Variants in PRDM10 observed in about 807,000 individuals in gnomAD.
PRDM10 encodes the protein PR/SET domain 10, also known as PR domain zinc finger protein 10.
In PRDM10, 65 loss-of-function variants were observed where a neutral mutation model predicts 133.1. The observed-to-expected ratio is 0.49, with a 90% CI of 0.40 to 0.60. The LOEUF (loss-of-function observed/expected upper bound fraction) is 0.60. PRDM10 is among the 20% of genes least tolerant of loss of function. PRDM10 has a pLI of 0.00. For synonymous variants in PRDM10, 582 were observed against 580.4 expected (o/e 1.00, Z -0.04); for missense variants, 1,137 against 1,507.1 (o/e 0.75, Z 4.07).
chr11:129,963,430 A>G (rs1951841541), intron 1 of PRDM10, among the ~76,000 whole-genome samples: 1 of 151,668 alleles, frequency 6.6e-6, no homozygotes, highest in African/African-American at 2.4e-5. Flanking sequence ...AGAAGAGAAG[A>G]GAAGAGAAGA....
Position 129,923,643 on chromosome 11 carries a change from T to TGGGA in PRDM10, c.1879-241_1879-240insTCCC, listed in dbSNP as rs1950581310. Among the ~76,000 whole-genome samples, 1 of 65,866 alleles carries TGGGA rather than the reference T, an allele frequency of 1.5e-5. No individual in the cohort carries two copies. The highest frequency in any genetic ancestry group is 2.1e-4 in the Admixed American group (1 of 4,772). 43.2% of individuals were successfully genotyped at this position (65,866 alleles called of 152,430 possible). ...CGAACCTCCCCGATGACTTGAAACG[T>TGGGA]GAGAGAGAGAGAGAGAGAGAGAGAG... On this transcript the variant is annotated intron_variant, in intron 12 of 20. Transcript: ENST00000360871. The surrounding 1 kb of genome is among the most constrained non-coding windows in gnomAD (Gnocchi z 4.4).
At chr11:129,916,335 C>T (rs1326566931) in intron 15 of PRDM10, among the ~76,000 whole-genome samples, 1 of 152,200 alleles carries the variant, frequency 6.6e-6, no homozygotes, top group Non-Finnish European at 1.5e-5. Context: ...CACTTTTAAG[C>T]TGATATAGCT....
Position 129,902,416 on chromosome 11 carries a change from G to A in PRDM10, c.3368C>T (p.Ser1123Phe), listed in dbSNP as rs755057726. Residue 1123 changes from serine to phenylalanine, a missense_variant, in exon 21 of 21, where the codon TCC (serine) becomes TTC (phenylalanine). Physicochemically the swap from Ser to Phe is radical, Grantham distance 155. Coordinates refer to ENST00000360871, the MANE Select transcript of PRDM10 (RefSeq NM_199437.2). ...TTGGCTGTTGGTCTGGGGGTCCAGG[G>A]AGTCACTGTGTGCAGGTGGCTCGAC... The part of the protein sequence containing the change: ...VQVEPPAHSD[S>F]LDPQTNSQQQ... 6.2e-7 allele frequency: 1 copy of A among 1,614,196 alleles called. No homozygotes were observed. Among genetic ancestry groups the A allele is most frequent in the South Asian group, 1.1e-5 (1 of 91,082 alleles).
chr11:129,950,675 G>A lies in PRDM10; in HGVS notation c.295-3305C>T, dbSNP rs562519367. The stretch of plus-strand genomic sequence containing the variant: ...TACAATACTGCCCCTTGTCCTAAGC[G>A]CTTAAGCATTATGCCAGGGTTAGTG... On this transcript the variant is annotated intron_variant, in intron 4 of 20. Coordinates refer to ENST00000360871, the MANE Select transcript of PRDM10 (RefSeq NM_199437.2). Among the ~76,000 whole-genome samples the A allele has an allele frequency of 1.8e-4, 27 of 152,244 alleles. 1 individual carries two copies. The highest frequency in any genetic ancestry group is 6.2e-4 in the South Asian group (3 of 4,826).
chr11:129,902,196 G>C lies in PRDM10; in HGVS notation c.*117C>G. Reference sequence around the variant, plus strand: ...GTGTATGGATGAGAGACAAAACTGTGGTTTCCGAACTCTTGAGTGAATAAT... The same window carrying C: ...GTGTATGGATGAGAGACAAAACTGTCGTTTCCGAACTCTTGAGTGAATAAT... On this transcript the variant is annotated 3_prime_UTR_variant, in exon 21 of 21. Coordinates refer to ENST00000360871, the MANE Select transcript of PRDM10 (RefSeq NM_199437.2). 2.2e-6 allele frequency: 3 copies of C among 1,377,134 alleles called. No homozygotes were observed. The highest frequency in any genetic ancestry group is 2.9e-6 in the Non-Finnish European group (3 of 1,018,816). 85.3% of individuals were successfully genotyped at this position (1,377,134 alleles called of 1,614,324 possible).
At chr11:129,904,506 T>C (rs1309105476) in intron 20 of PRDM10, among the ~76,000 whole-genome samples, 1 of 152,188 alleles carries the variant, frequency 6.6e-6, no homozygotes, top group Non-Finnish European at 1.5e-5. Flanking sequence ...TTTTTCTTTT[T>C]TTTTCTTTTC....
At chr11:129,921,785 C>T (rs565699442) in intron 13 of PRDM10, among the ~76,000 whole-genome samples, 9 of 152,294 alleles carry the variant, frequency 5.9e-5, no homozygotes, top group East Asian at 5.8e-4. Context: ...CTGCTCTAGA[C>T]GGTGTCATGT....
intron 1 of PRDM10, among the ~76,000 whole-genome samples, chr11:129,974,015 G>A (rs575418876): frequency 6.6e-6 from 1 of 152,338 alleles, no homozygotes; most frequent in East Asian, 1.9e-4. Flanking sequence ...GGCACCCACT[G>A]GAGCCACCCA....
At chr11:129,980,634 A>G (rs925028027) in intron 1 of PRDM10, among the ~76,000 whole-genome samples, 3 of 152,212 alleles carry the variant, frequency 2.0e-5, no homozygotes, top group African/African-American at 7.2e-5. Flanking sequence ...ACAATGGAAT[A>G]TTTATTATTT....
chr11:129,935,213 G>T lies in PRDM10; in HGVS notation c.1045C>A (p.Arg349=), dbSNP rs776979992. ...DISEEERKVL[R]EQEKNWPCYE... ...CAGGGCCAATTCTTCTCTTGCTCTC[G>T]AAGAACTACAGTCACAGGAGAGAAA... Residue 349 remains arginine (R), a synonymous_variant, in exon 9 of 21, where the codon CGA becomes AGA. Transcript: ENST00000360871. 3 of 1,612,332 alleles carry T rather than the reference G, an allele frequency of 1.9e-6. No individual in the cohort carries two copies. Among genetic ancestry groups the T allele is most frequent in the Non-Finnish European group, 2.5e-6 (3 of 1,178,508 alleles).
At position 129,914,746 on chromosome 11, in the gene PRDM10, C is replaced by T; in HGVS notation, c.2799G>A (p.Gln933=). The change falls in exon 17 of 21, where the codon CAG becomes CAA. Residue 933 remains glutamine (Q), a synonymous_variant. Transcript: ENST00000360871. The part of the protein sequence containing the change: ...IPVSQSASGL[Q]QPQHIQLQVV... ...CTTGCAGCTGTATGTGCTGAGGCTG[C>T]TGGAGGCCAGACGCCGACTGCGACA... The T allele has an allele frequency of 6.2e-7, 1 of 1,614,236 alleles. No individual in the cohort carries two copies. Among genetic ancestry groups the T allele is most frequent in the Non-Finnish European group, 8.5e-7 (1 of 1,180,050 alleles).
chr11:129,930,632 A>C (rs1182331163), intron 11 of PRDM10, among the ~76,000 whole-genome samples: 2 of 152,220 alleles, frequency 1.3e-5, no homozygotes, highest in African/African-American at 4.8e-5. Flanking sequence ...TTAGTTACCC[A>C]AAATCAACTT....
At chr11:129,988,422 G>A (rs1433443235) in intron 1 of PRDM10, among the ~76,000 whole-genome samples, 1 of 152,054 alleles carries the variant, frequency 6.6e-6, no homozygotes, top group Non-Finnish European at 1.5e-5. Flanking sequence ...GGTAGAGACG[G>A]GGTTTCGCCA....
At chr11:129,940,279 A>G (rs7109772) in intron 7 of PRDM10, among the ~76,000 whole-genome samples, 60,890 of 151,956 alleles carry the variant, frequency 0.4, 12,156 homozygotes, top group African/African-American at 0.41. Flanking sequence ...GCATCCTAAA[A>G]TCATTGGTAT....
chr11:129,986,285 C>T (rs1016565231), intron 1 of PRDM10, among the ~76,000 whole-genome samples: 1 of 152,156 alleles, frequency 6.6e-6, no homozygotes, highest in African/African-American at 2.4e-5. Context: ...CAGGCTGTGG[C>T]AAGTCCTTAT....
rs775621032 is a variant in PRDM10, at chr11:129,931,156, G to A, written c.1390C>T (p.Leu464=). The A allele has an allele frequency of 6.2e-6, 10 of 1,614,106 alleles. No homozygotes were observed. In the Admixed American group the frequency reaches 1.7e-4, roughly 27 times the overall value. ...PEQTTIPIPQ[L]PQETQSSLEH... is the part of the protein sequence containing the mutation. ...AGGGAAGACTGGGTTTCCTGTGGCA[G>A]CTGAGGGATTGGGATAGTGGTCTGT... Residue 464 remains leucine (L), a synonymous_variant, in exon 11 of 21, where the codon CTG becomes TTG. Coordinates refer to ENST00000360871, the MANE Select transcript of PRDM10 (RefSeq NM_199437.2).
At chr11:129,925,471 T>G (rs575177025) in intron 11 of PRDM10, among the ~76,000 whole-genome samples, 1 of 152,332 alleles carries the variant, frequency 6.6e-6, no homozygotes, top group Non-Finnish European at 1.5e-5. Flanking sequence ...CATCTATGTA[T>G]GTGGGTTTTC....
At chr11:129,913,314 G>A (rs1345254587) in intron 17 of PRDM10, among the ~76,000 whole-genome samples, 6 of 151,302 alleles carry the variant, frequency 4.0e-5, no homozygotes, top group East Asian at 1.9e-4. Context: ...TGCTGCACTC[G>A]CAGATAGCCC....
chr11:129,911,417 T>G (rs1045800847), intron 18 of PRDM10, among the ~76,000 whole-genome samples: 1 of 152,222 alleles, frequency 6.6e-6, no homozygotes, highest in Admixed American at 6.5e-5. Flanking sequence ...GGCCCACTCC[T>G]GATAACAGGA....
Sources: allele counts gnomAD v4.1 joint callset (sites outside exome capture counted in the v4.1 genomes callset), GRCh38; gene constraint gnomAD v4.1.1; non-coding constraint Gnocchi (gnomAD v3.1); transcripts MANE v1.5; gene names NCBI Gene and HGNC (gene_info 2026-07-23, HGNC 2026-07-21).